Variants in RTN1 observed in about 807,000 individuals in gnomAD.
RTN1 encodes reticulon 1, also known as reticulon-1.
A neutral mutation model predicts 65.5 loss-of-function variants in RTN1; 25 were observed. The ratio of observed to expected loss-of-function variants is 0.38; its 90% confidence interval spans 0.28 to 0.53. The LOEUF (loss-of-function observed/expected upper bound fraction) is 0.53. Among genes scored for constraint, RTN1 ranks in the 20% least tolerant of loss-of-function variants. The probability of loss-of-function intolerance (pLI) is 0.79; values close to 1 mark genes in which losing one functional copy is unlikely to be tolerated. For missense variants in RTN1, 983 were observed against 1,025.4 expected (o/e 0.96, Z 0.57); for synonymous variants, 471 against 447.6 (o/e 1.05, Z -0.66).
At chr14:59,810,544 T>G (rs772333877) in intron 1 of RTN1, among the ~76,000 whole-genome samples, 1 of 152,140 alleles carries the variant, frequency 6.6e-6, no homozygotes, top group Non-Finnish European at 1.5e-5. Flanking sequence ...CTCTTCACAT[T>G]TTGGGCATTC....
intron 2 of RTN1, among the ~76,000 whole-genome samples, chr14:59,728,249 C>CTTTTTTT (rs200434592): frequency 1.7e-4 from 21 of 124,198 alleles, no homozygotes; most frequent in African/African-American, 6.2e-4. Context: ...GAATCAGTAT[C>CTTTTTTT]TTTTTTTTTT....
chr14:59,828,485 G>A (rs546320219), intron 1 of RTN1, among the ~76,000 whole-genome samples: 31 of 152,194 alleles, frequency 2.0e-4, no homozygotes, highest in Non-Finnish European at 3.4e-4. Context: ...ACTGGACAGA[G>A]ATCTGAAAGA....
rs1294784718 is a variant in RTN1 at position 59,749,228 on chromosome 14, CTATATA to C, written c.242-2753_242-2748del. Among the ~76,000 whole-genome samples, 12 of 38,658 alleles carry C rather than the reference CTATATA, an allele frequency of 3.1e-4. 2 individuals are homozygous for C. Among genetic ancestry groups the C allele is most frequent in the African/African-American group, 2.6e-3 (11 of 4,200 alleles). 25.4% of individuals were successfully genotyped at this position (38,658 alleles called of 152,430 possible). ...TATATATCTATATATATCTATATATCTATATATATCTATATATATCTATATATCTAT... is the reference window on the plus strand; with the variant it reads ...TATATATCTATATATATCTATATATCTATCTATATATATCTATATATCTAT... On this transcript the variant is annotated intron_variant, in intron 1 of 8. Transcript: ENST00000267484.
In RTN1 at chr14:59,803,726, C is replaced by T. The variant is rs1359610114; in HGVS notation, c.242-57245G>A. 6.6e-6 allele frequency among the ~76,000 whole-genome samples: 1 copy of T among 152,178 alleles called. No individual in the cohort carries two copies. Among genetic ancestry groups the T allele is most frequent in the Non-Finnish European group, 1.5e-5 (1 of 68,032 alleles). On this transcript the variant is annotated intron_variant, in intron 1 of 8. Coordinates refer to ENST00000267484, the MANE Select transcript of RTN1 (RefSeq NM_021136.3). The surrounding 1 kb of genome is among the most constrained non-coding windows in gnomAD (Gnocchi z 5.6). Reference sequence around the variant, plus strand: ...AACAGCACTTTCCTTTCCTGAGCTGCGCTACCTGTGACCTGAGGAAAAACA... The same window carrying T: ...AACAGCACTTTCCTTTCCTGAGCTGTGCTACCTGTGACCTGAGGAAAAACA...
At chr14:59,630,864 G>C (rs1359796876) in intron 3 of RTN1, 1 of 994,310 alleles carries the variant, frequency 1.0e-6, no homozygotes, top group Non-Finnish European at 1.2e-6. Flanking sequence ...TGGGAGGAGG[G>C]GAAAAAGGGC....
At chr14:59,765,226 A>C (rs1042142787) in intron 1 of RTN1, among the ~76,000 whole-genome samples, 3 of 152,238 alleles carry the variant, frequency 2.0e-5, no homozygotes, top group Admixed American at 6.5e-5. Flanking sequence ...ATTTAAGTAT[A>C]GCCTGGAGCT....
At chr14:59,673,145 A>C (rs1192031723) in intron 3 of RTN1, among the ~76,000 whole-genome samples, 1 of 152,242 alleles carries the variant, frequency 6.6e-6, no homozygotes, top group African/African-American at 2.4e-5. Flanking sequence ...GTAATGTTAC[A>C]GGATCCCTTT....
At chr14:59,736,249 T>C (rs1305927732) in intron 2 of RTN1, among the ~76,000 whole-genome samples, 1 of 151,914 alleles carries the variant, frequency 6.6e-6, no homozygotes, top group Non-Finnish European at 1.5e-5. Context: ...AGCTGTTTTT[T>C]TAAAAAATAA....
chr14:59,783,461 A>G (rs1436423871), intron 1 of RTN1, among the ~76,000 whole-genome samples: 2 of 152,180 alleles, frequency 1.3e-5, no homozygotes, highest in Admixed American at 6.5e-5. Context: ...AATAGCTGGG[A>G]AAGTGGAAAC....
intron 4 of RTN1, chr14:59,606,143 C>T (rs1881747232): frequency 7.4e-6 from 1 of 134,406 alleles, no homozygotes; most frequent in Non-Finnish European, 1.5e-5. Context: ...CAGCTTAAGC[C>T]TCCTCTGCTT....
At chr14:59,654,693 G>T (rs965121878) in intron 3 of RTN1, among the ~76,000 whole-genome samples, 6 of 151,836 alleles carry the variant, frequency 4.0e-5, no homozygotes, top group Non-Finnish European at 5.9e-5. Flanking sequence ...TAAAATTAAG[G>T]ACAAAAACCA....
intron 1 of RTN1, among the ~76,000 whole-genome samples, chr14:59,769,172 T>C (rs973636326): frequency 1.2e-4 from 18 of 152,164 alleles, no homozygotes; most frequent in African/African-American, 4.3e-4. Context: ...GAATGAAAGT[T>C]CTCTCTAGGG....
intron 1 of RTN1, among the ~76,000 whole-genome samples, chr14:59,842,634 T>C (rs1267181687): frequency 6.6e-6 from 1 of 152,202 alleles, no homozygotes; most frequent in East Asian, 1.9e-4. Context: ...TAATTGGCAC[T>C]TATAGAACAT....
At chr14:59,720,016 A>G (rs1392557779) in intron 3 of RTN1, among the ~76,000 whole-genome samples, 1 of 152,202 alleles carries the variant, frequency 6.6e-6, no homozygotes, top group Non-Finnish European at 1.5e-5. Flanking sequence ...GAGCTGATCA[A>G]TGCCCTACTG....
chr14:59,830,809 T>C (rs1207581812), intron 1 of RTN1, among the ~76,000 whole-genome samples: 3 of 152,210 alleles, frequency 2.0e-5, no homozygotes, highest in African/African-American at 7.2e-5. Flanking sequence ...AGTTAACATA[T>C]GTAAAGCCTT....
At chr14:59,671,245 A>AC (rs1308538483) in intron 3 of RTN1, among the ~76,000 whole-genome samples, 1 of 152,226 alleles carries the variant, frequency 6.6e-6, no homozygotes, top group Admixed American at 6.5e-5. Context: ...GCATTTAAAA[A>AC]AATTATAGTT....
chr14:59,630,688 C>A, intron 3 of RTN1: 1 of 1,171,848 alleles, frequency 8.5e-7, no homozygotes, highest in Non-Finnish European at 1.1e-6. Context: ...TCTGCGCGGC[C>A]GGCAGCGAAT....
intron 1 of RTN1, among the ~76,000 whole-genome samples, chr14:59,802,146 C>G (rs181979014): frequency 5.3e-5 from 8 of 152,276 alleles, no homozygotes; most frequent in Admixed American, 4.6e-4. Flanking sequence ...TAATTTTTCT[C>G]TTTGGCTCTA....
At chr14:59,713,544 A>G (rs1228925248) in intron 3 of RTN1, among the ~76,000 whole-genome samples, 1 of 152,176 alleles carries the variant, frequency 6.6e-6, no homozygotes, top group Admixed American at 6.5e-5. Flanking sequence ...TACTGCTGAG[A>G]ATGGGTCCTT....
Sources: allele counts gnomAD v4.1 joint callset (sites outside exome capture counted in the v4.1 genomes callset), GRCh38; gene constraint gnomAD v4.1.1; non-coding constraint Gnocchi (gnomAD v3.1); transcripts MANE v1.5; gene names NCBI Gene and HGNC (gene_info 2026-07-23, HGNC 2026-07-21).